PLPP7: variants seen among roughly 807,000 people sequenced by gnomAD.
PLPP7 encodes inactive phospholipid phosphatase 7.
Under a neutral mutation model 16.9 loss-of-function variants are expected in PLPP7, and 11 were observed. The observed-to-expected ratio is 0.65, with a 90% CI of 0.41 to 1.08. The LOEUF is 1.08. PLPP7 is among the 50% of genes least tolerant of loss of function. The pLI is 0.00. For synonymous variants in PLPP7, 174 were observed against 175.1 expected (o/e 0.99, Z 0.05); for missense variants, 358 against 397.1 (o/e 0.90, Z 0.84).
chr9:131,292,773 GTT>G lies in PLPP7; in HGVS notation c.451+2334_451+2335del, dbSNP rs35490588. ...TCACCAAGTAAAATAGCTCTGCTTT[GTT>G]TTTTTTTTACAGGAATGTTTGCTTT... On this transcript the variant is annotated intron_variant, in intron 1 of 1. Transcript: ENST00000372264. The G allele has an allele frequency of 4.2e-5, 39 of 928,932 alleles. 1 individual carries two copies. The South Asian group carries it at 1.5e-3, about 37-fold the overall frequency. 57.5% of individuals were successfully genotyped at this position (928,932 alleles called of 1,614,324 possible).
intron 1 of PLPP7, among the ~76,000 whole-genome samples, chr9:131,307,551 C>CAAAAAAAA (rs57469502): frequency 1.8e-4 from 11 of 60,560 alleles, no homozygotes; most frequent in East Asian, 4.9e-4. Flanking sequence ...AACTCTGTCT[C>CAAAAAAAA]AAAAAAAAAA....
At position 131,295,988 on chromosome 9, in the gene PLPP7, C is replaced by A. The variant is rs1835731676; in HGVS notation, c.451+5540C>A. ...ACAGGTGTATATGCATCTTCTTGAG[C>A]CCCTGCTTTCAGTTATTTTGGTTGT... On this transcript the variant is annotated intron_variant, in intron 1 of 1. Coordinates refer to ENST00000372264, the MANE Select transcript of PLPP7 (RefSeq NM_032728.4). This position sits in a 1 kb window ranked among gnomAD's most constrained non-coding sequence, Gnocchi z 4.0. Among the ~76,000 whole-genome samples, 1 of 152,132 alleles carries A rather than the reference C, an allele frequency of 6.6e-6. No individual in the cohort carries two copies. Among genetic ancestry groups the A allele is most frequent in the Non-Finnish European group, 1.5e-5 (1 of 68,034 alleles).
At chr9:131,298,082 C>T (rs941143000) in intron 1 of PLPP7, among the ~76,000 whole-genome samples, 3 of 152,086 alleles carry the variant, frequency 2.0e-5, no homozygotes, top group Non-Finnish European at 4.4e-5. Flanking sequence ...TGGGTCGTTT[C>T]ACGTTTTTCG....
chr9:131,289,772 C>A lies in PLPP7; in HGVS notation c.-226C>A. 1 of 402,684 alleles carries A rather than the reference C, an allele frequency of 2.5e-6. No individual in the cohort carries two copies. The highest frequency in any genetic ancestry group is 4.3e-6 in the Non-Finnish European group (1 of 229,940). 24.9% of individuals were successfully genotyped at this position (402,684 alleles called of 1,614,324 possible). A position where few individuals can be genotyped will look rare whatever the true frequency, so the allele number is the denominator to read the frequency against. The stretch of plus-strand genomic sequence containing the variant: ...GGAGGCTCTGCTGGTGCAGGCCCCG[C>A]ATTGGAGGGCTCGATTGGCTGCCCG... On this transcript the variant is annotated 5_prime_UTR_variant, in exon 1 of 2. Coordinates refer to ENST00000372264, the MANE Select transcript of PLPP7 (RefSeq NM_032728.4).
At chr9:131,300,778 G>A (rs1835789802) in intron 1 of PLPP7, among the ~76,000 whole-genome samples, 2 of 151,746 alleles carry the variant, frequency 1.3e-5, no homozygotes, top group Non-Finnish European at 1.5e-5. Flanking sequence ...AGAGAGCTGG[G>A]GCATGTGGGG....
At position 131,290,531 on chromosome 9, in the gene PLPP7, C is replaced by G; in HGVS notation, c.451+83C>G. ...TGCCCAACCCCACCCTGGCCGGGAC[C>G]TGCACAGCCCTCAGAAACCGGCTGG... On this transcript the variant is annotated intron_variant, in intron 1 of 1. Coordinates refer to ENST00000372264, the MANE Select transcript of PLPP7 (RefSeq NM_032728.4). This position sits in a 1 kb window ranked among gnomAD's most constrained non-coding sequence, Gnocchi z 4.2. 1 of 1,305,190 alleles carries G rather than the reference C, an allele frequency of 7.7e-7. No homozygotes were observed. Among genetic ancestry groups the G allele is most frequent in the Non-Finnish European group, 1.0e-6 (1 of 980,058 alleles). 80.9% of individuals were successfully genotyped at this position (1,305,190 alleles called of 1,614,324 possible). A position where few individuals can be genotyped will look rare whatever the true frequency, so the allele number is the denominator to read the frequency against.
chr9:131,308,097 T>A lies in PLPP7; in HGVS notation c.626T>A (p.Val209Glu), dbSNP rs368787112. 6.2e-6 allele frequency: 10 copies of A among 1,601,236 alleles called. No individual in the cohort carries two copies. In the African/African-American group the frequency reaches 1.3e-4, roughly 21 times the overall value. ...MVSKFFLSHLVLAVPLRVLLV... is the reference protein window; with the variant it reads ...MVSKFFLSHLELAVPLRVLLV... Reference sequence around the variant, plus strand: ...TCCAAGTTCTTCCTCAGCCACCTGGTGCTGGCGGTGCCCCTGCGTGTGCTG... The same window carrying A: ...TCCAAGTTCTTCCTCAGCCACCTGGAGCTGGCGGTGCCCCTGCGTGTGCTG... Residue 209 changes from valine (V) to glutamate (E), a missense_variant, in exon 2 of 2, where the codon GTG becomes GAG. Coordinates refer to ENST00000372264, the MANE Select transcript of PLPP7 (RefSeq NM_032728.4).
chr9:131,300,308 TTTTA>T (rs773029926), intron 1 of PLPP7, among the ~76,000 whole-genome samples: 12 of 152,322 alleles, frequency 7.9e-5, no homozygotes, highest in Non-Finnish European at 1.8e-4. Context: ...TTTTATTTTA[TTTTA>T]TTTATTTAGT....
In PLPP7 at chr9:131,290,211, C is replaced by A. The variant is rs770639040; in HGVS notation, c.214C>A (p.Gln72Lys). 2.5e-6 allele frequency: 4 copies of A among 1,605,414 alleles called. No homozygotes were observed. The highest frequency in any genetic ancestry group is 3.4e-6 in the Non-Finnish European group (4 of 1,175,186). ...SQQLPEEDCM[Q>K]LNPSFKGIAF... ...GCAGCTGCCAGAGGAGGACTGCATG[C>A]AGCTGAACCCCTCCTTCAAGGGCAT... Residue 72 changes from glutamine to lysine, a missense_variant, in exon 1 of 2, where the codon CAG (glutamine) becomes AAG (lysine). Physicochemically the swap from Gln to Lys is moderately conservative, Grantham distance 53. Transcript: ENST00000372264. The surrounding 1 kb of genome is among the most constrained non-coding windows in gnomAD (Gnocchi z 4.2).
At chr9:131,292,134 C>A (rs552475056) in intron 1 of PLPP7, among the ~76,000 whole-genome samples, 1 of 152,172 alleles carries the variant, frequency 6.6e-6, no homozygotes, top group African/African-American at 2.4e-5. Context: ...GCAAAGTGGC[C>A]GAGGCACTAG....
intron 1 of PLPP7, among the ~76,000 whole-genome samples, chr9:131,299,867 A>AGGTG (rs1247242073): frequency 6.6e-6 from 1 of 152,198 alleles, no homozygotes; most frequent in Non-Finnish European, 1.5e-5. Flanking sequence ...GGCACAGGCT[A>AGGTG]GGTGGGTCAA....
At position 131,295,499 on chromosome 9, in the gene PLPP7, TCA is replaced by T. The variant is rs570024723; in HGVS notation, c.451+5056_451+5057del. ...ATTTTTTATTGTGATAAGCTATACA[TCA>T]CACAAAATTGATCATTGTAGTCATT... On this transcript the variant is annotated intron_variant, in intron 1 of 1. Coordinates refer to ENST00000372264, the MANE Select transcript of PLPP7 (RefSeq NM_032728.4). This position sits in a 1 kb window ranked among gnomAD's most constrained non-coding sequence, Gnocchi z 4.0. Among the ~76,000 whole-genome samples the T allele has an allele frequency of 7.7e-4, 117 of 152,322 alleles. 1 individual carries two copies. The highest frequency in any genetic ancestry group is 2.7e-3 in the African/African-American group (111 of 41,564).
chr9:131,294,848 G>C (rs946139374), intron 1 of PLPP7, among the ~76,000 whole-genome samples: 1 of 151,672 alleles, frequency 6.6e-6, no homozygotes, highest in Non-Finnish European at 1.5e-5. Flanking sequence ...CACCCACCTC[G>C]GCCTCCCAAA....
At position 131,308,688 on chromosome 9, in the gene PLPP7, A is replaced by G. The variant is rs1046450571; in HGVS notation, c.*401A>G. The G allele has an allele frequency of 1.0e-5, 2 of 193,264 alleles. No homozygotes were observed. Among genetic ancestry groups the G allele is most frequent in the Non-Finnish European group, 2.1e-5 (2 of 93,948 alleles). 12.0% of individuals were successfully genotyped at this position (193,264 alleles called of 1,614,324 possible). On this transcript the variant is annotated 3_prime_UTR_variant, in exon 2 of 2. Transcript: ENST00000372264. ...TCACGCCACAGCACGACGCCTGCCA[A>G]AATGCCCCCAACCTACTGCCTGATG...
intron 1 of PLPP7, among the ~76,000 whole-genome samples, chr9:131,304,914 T>C (rs2131220405): frequency 6.6e-6 from 1 of 152,260 alleles, no homozygotes; most frequent in Middle Eastern, 3.4e-3. Flanking sequence ...GCCTGAGCTG[T>C]CTGGAAGGCC....
intron 1 of PLPP7, among the ~76,000 whole-genome samples, chr9:131,302,765 G>A (rs980678510): frequency 2.0e-5 from 3 of 152,186 alleles, no homozygotes; most frequent in Non-Finnish European, 2.9e-5. Context: ...AATGAGAGGG[G>A]CCAGGAGATG....
chr9:131,297,398 T>G (rs949443852), intron 1 of PLPP7, among the ~76,000 whole-genome samples: 11 of 151,916 alleles, frequency 7.2e-5, no homozygotes, highest in African/African-American at 2.7e-4. Context: ...TTTTTTTTTT[T>G]TTTTCTGAAG....
At chr9:131,291,344 A>G in intron 1 of PLPP7, 2 of 1,187,188 alleles carry the variant, frequency 1.7e-6, no homozygotes, top group Non-Finnish European at 2.1e-6. Flanking sequence ...GGCAAGGCAA[A>G]CATTAACAAG....
intron 1 of PLPP7, among the ~76,000 whole-genome samples, chr9:131,303,728 C>T (rs1835824015): frequency 6.6e-6 from 1 of 152,150 alleles, no homozygotes; most frequent in South Asian, 2.1e-4. Context: ...ACCCCTCTGT[C>T]CCAGTGAAAC....
Sources: gnomAD v4.1 joint callset for allele counts (sites outside exome capture counted in the v4.1 genomes callset) on GRCh38, gnomAD v4.1.1 for gene constraint, Gnocchi (gnomAD v3.1) non-coding constraint, MANE v1.5 for transcripts, NCBI Gene and HGNC (gene_info 2026-07-23, HGNC 2026-07-21) for gene names.